Variants in PDXDC1 observed in about 807,000 individuals in gnomAD.
PDXDC1 encodes pyridoxal dependent decarboxylase domain containing 1.
A neutral mutation model predicts 100.1 loss-of-function variants in PDXDC1; 42 were observed. The ratio of observed to expected loss-of-function variants is 0.42; its 90% CI spans 0.33 to 0.54. PDXDC1 has a LOEUF of 0.54. Among genes scored for constraint, PDXDC1 ranks in the 20% least tolerant of loss-of-function variants. The pLI, the probability that PDXDC1 is intolerant of heterozygous loss-of-function variation, is 0.10. For missense variants in PDXDC1, 636 were observed against 979.2 expected, an observed-to-expected ratio of 0.65 and a Z score of 4.68; for synonymous variants, 260 against 371.7, an observed-to-expected ratio of 0.70 and a Z score of 3.46.
At chr16:15,141,006 G>A (rs1453594740), downstream of PDXDC1, among the ~76,000 whole-genome samples, 1 of 151,774 alleles carries the variant, frequency 6.6e-6, no homozygotes, top group East Asian at 1.9e-4. Context: ...CCAGGCCCAA[G>A]CCGGGGTGGC....
intron 16 of PDXDC1, among the ~76,000 whole-genome samples, chr16:15,093,570 C>G (rs2046227025): frequency 1.3e-5 from 2 of 152,120 alleles, no homozygotes; most frequent in African/African-American, 4.8e-5. Flanking sequence ...TATTATGAAT[C>G]ATATTACGCT....
chr16:15,033,823 A>C (rs894060286), intron 19 of PDXDC1, among the ~76,000 whole-genome samples: 4 of 152,108 alleles, frequency 2.6e-5, no homozygotes, highest in African/African-American at 9.7e-5. Flanking sequence ...GAATAGACCT[A>C]CTGCTGTGGG....
intron 16 of PDXDC1, chr16:15,135,593 G>T: frequency 7.3e-7 from 1 of 1,378,924 alleles, no homozygotes; most frequent in Non-Finnish European, 1.0e-6. Context: ...GTGTTCTCTG[G>T]GCTCATGGGT....
At chr16:15,083,373 T>C in intron 16 of PDXDC1, 1 of 1,356,138 alleles carries the variant, frequency 7.4e-7, no homozygotes, top group Non-Finnish European at 9.9e-7. Flanking sequence ...CACTCCAGCT[T>C]GGGCGACAGA....
intron 1 of PDXDC1, among the ~76,000 whole-genome samples, chr16:14,978,372 C>T (rs1372061288): frequency 6.6e-6 from 1 of 152,276 alleles, no homozygotes; most frequent in African/African-American, 2.4e-5. Flanking sequence ...TTAAACACAC[C>T]TTCCAGTAAA....
intron 16 of PDXDC1, chr16:15,125,467 G>C (rs1306375257): frequency 7.8e-6 from 7 of 895,506 alleles, no homozygotes; most frequent in Non-Finnish European, 1.3e-5. Context: ...CAGACACCCA[G>C]CAAGGACACG....
chr16:15,148,057 C>T, the PDXDC1 span, among the ~76,000 whole-genome samples: 1 of 151,766 alleles, frequency 6.6e-6, no homozygotes, highest in South Asian at 2.1e-4. Context: ...GGCACCATCA[C>T]AGCTAACTGC....
At chr16:15,079,693 A>G (rs1375609588) in intron 16 of PDXDC1, among the ~76,000 whole-genome samples, 3 of 152,036 alleles carry the variant, frequency 2.0e-5, no homozygotes, top group Non-Finnish European at 4.4e-5. Context: ...CCCGGATTCA[A>G]GCAATTCTCC....
At position 15,122,676 on chromosome 16, in the gene PDXDC1, G is replaced by A. The variant is rs1262791726; in HGVS notation, c.1400-16203G>A. Among the ~76,000 whole-genome samples, 4 of 150,916 alleles carry A rather than the reference G, an allele frequency of 2.7e-5. 1 individual carries two copies. Among genetic ancestry groups the A allele is most frequent in the African/African-American group, 4.9e-5 (2 of 40,930 alleles). ...TGATGGCTGATAAATCCCAGCAGGAGCCAAAAGAGAAGCCAAAAGAGCAGC... is the reference window on the plus strand; with the variant it reads ...TGATGGCTGATAAATCCCAGCAGGAACCAAAAGAGAAGCCAAAAGAGCAGC... On this transcript the variant is annotated intron_variant, in intron 16 of 16. Transcript: ENST00000535621.
At chr16:15,042,575 A>G (rs920112350), downstream of PDXDC1, among the ~76,000 whole-genome samples, 9 of 152,156 alleles carry the variant, frequency 5.9e-5, no homozygotes, top group South Asian at 2.1e-4. Context: ...TAGCGACTAC[A>G]TAATTATTAT....
At chr16:15,126,315 G>T (rs1388338263) in intron 16 of PDXDC1, among the ~76,000 whole-genome samples, 1 of 120,294 alleles carries the variant, frequency 8.3e-6, no homozygotes, top group East Asian at 2.4e-4. Context: ...GGGATTACAG[G>T]TGTGAGCCAC....
chr16:15,061,685 A>G, intron 16 of PDXDC1: 1 of 1,522,022 alleles, frequency 6.6e-7, no homozygotes, highest in Non-Finnish European at 9.0e-7. Flanking sequence ...CTGGGTGCTG[A>G]GGGCATGACA....
chr16:15,031,224 T>G (rs763106070), intron 16 of PDXDC1, among the ~76,000 whole-genome samples: 28 of 147,668 alleles, frequency 1.9e-4, no homozygotes, highest in Non-Finnish European at 3.6e-4. Context: ...CCCAAAGCAC[T>G]GGCCACTATA....
chr16:15,066,609 G>C (rs1393245717), intron 16 of PDXDC1, among the ~76,000 whole-genome samples: 1 of 151,256 alleles, frequency 6.6e-6, no homozygotes, highest in African/African-American at 2.4e-5. Flanking sequence ...CTCCAGCCTG[G>C]GTGACAGAGC....
At chr16:15,139,876 TTA>T (rs2048437458), downstream of PDXDC1, among the ~76,000 whole-genome samples, 1 of 151,718 alleles carries the variant, frequency 6.6e-6, no homozygotes, top group African/African-American at 2.4e-5. Flanking sequence ...GGTGGGTGGA[TTA>T]TGAGATCAAG....
At chr16:15,141,005 AG>A (rs2071153147), downstream of PDXDC1, among the ~76,000 whole-genome samples, 1 of 151,822 alleles carries the variant, frequency 6.6e-6, no homozygotes, top group Non-Finnish European at 1.5e-5. Flanking sequence ...GCCAGGCCCA[AG>A]CCGGGGTGGC....
At chr16:15,136,434 G>A (rs1387355687) in intron 16 of PDXDC1, 1 of 601,430 alleles carries the variant, frequency 1.7e-6, no homozygotes, top group Non-Finnish European at 3.0e-6. Flanking sequence ...GGCCCCACCG[G>A]CCGGCGCCAC....
chr16:15,090,765 A>G (rs1271789469), intron 16 of PDXDC1, among the ~76,000 whole-genome samples: 3 of 152,160 alleles, frequency 2.0e-5, no homozygotes, highest in Non-Finnish European at 4.4e-5. Flanking sequence ...GTAATAAACC[A>G]TTCTCTTCAA....
At chr16:15,082,944 T>C (rs1284316325) in intron 16 of PDXDC1, among the ~76,000 whole-genome samples, 1 of 152,212 alleles carries the variant, frequency 6.6e-6, no homozygotes, top group East Asian at 1.9e-4. Flanking sequence ...CATATGAGCA[T>C]AAAGCCACTA....
Sources: gnomAD v4.1 joint callset for allele counts (sites outside exome capture counted in the v4.1 genomes callset) on GRCh38, gnomAD v4.1.1 for gene constraint, MANE v1.5 for transcripts, NCBI Gene and HGNC (gene_info 2026-07-23, HGNC 2026-07-21) for gene names.